The following PPP2R2C variants were observed in gnomAD, a reference collection of about 807,000 sequenced individuals.
The protein encoded by PPP2R2C is protein phosphatase 2 regulatory subunit Bgamma.
PPP2R2C carries 10 observed loss-of-function variants against 45.3 expected under a neutral mutation model. The ratio of observed to expected loss-of-function variants is 0.22; its 90% CI spans 0.14 to 0.37. The LOEUF (loss-of-function observed/expected upper bound fraction) is 0.37. Among genes scored for constraint, PPP2R2C ranks in the 10% least tolerant of loss-of-function variants. The pLI, the probability that PPP2R2C is intolerant of heterozygous loss-of-function variation, is 1.00. For synonymous variants in PPP2R2C, 257 were observed against 245.4 expected (o/e 1.05, Z -0.44); for missense variants, 308 against 619.7 (o/e 0.50, Z 5.34).
At chr4:6,442,991 G>A (rs1000515296) in intron 1 of PPP2R2C, among the ~76,000 whole-genome samples, 4 of 152,182 alleles carry the variant, frequency 2.6e-5, no homozygotes, top group Admixed American at 6.5e-5. Flanking sequence ...TGACTTTCCC[G>A]ACCTAAATGA....
rs781451247 is a variant in PPP2R2C at position 6,471,437 on chromosome 4, G to C, written c.70+723C>G. On this transcript the variant is annotated intron_variant, in intron 1 of 8. Coordinates refer to ENST00000382599, the MANE Select transcript of PPP2R2C (RefSeq NM_020416.4). The surrounding 1 kb of genome is among the most constrained non-coding windows in gnomAD (Gnocchi z 5.6). ...CCCACCAGCCTCGGGGGTAGGGTGG[G>C]GGTGGGGGTTGGGCTTGTAGGGCCA... The C allele has an allele frequency of 1.2e-4, 19 of 152,318 alleles. No homozygotes were observed. Among genetic ancestry groups the C allele is most frequent in the Admixed American group, 1.2e-3 (18 of 15,294 alleles). 9.4% of individuals were successfully genotyped at this position (152,318 alleles called of 1,614,324 possible).
chr4:6,519,229 G>C (rs1295564040), intron 2 of PPP2R2C, among the ~76,000 whole-genome samples: 2 of 152,166 alleles, frequency 1.3e-5, no homozygotes, highest in South Asian at 2.1e-4. Context: ...CAAGTTTCTA[G>C]GAGCCTTAGG....
In PPP2R2C at chr4:6,416,264, G is replaced by A. The variant is rs367755729; in HGVS notation, c.71-35170C>T. 2.1e-4 allele frequency among the ~76,000 whole-genome samples: 26 copies of A among 126,402 alleles called. No homozygotes were observed. In the South Asian group the frequency reaches 6.0e-3, roughly 29 times the overall value. The allele number at this position is 126,402 out of a possible 152,430, so 82.9% of individuals were successfully genotyped here. ...CTTAGGTGCACACAACCGCCCCCAC[G>A]ATGTGTGGTTTTCCCCATTTTACAA... On this transcript the variant is annotated intron_variant, in intron 1 of 8. Transcript: ENST00000382599.
intron 2 of PPP2R2C, 128 bp downstream of exon 2, chr4:6,380,869 A>C (rs1715727469): frequency 3.7e-6 from 5 of 1,361,828 alleles, no homozygotes; most frequent in African/African-American, 1.5e-5. Flanking sequence ...GTTGGAGTAT[A>C]GTCCCCTCCC....
intron 2 of PPP2R2C, among the ~76,000 whole-genome samples, chr4:6,520,452 G>A (rs78801211): frequency 6.6e-5 from 10 of 152,222 alleles, no homozygotes; most frequent in Non-Finnish European, 1.2e-4. Flanking sequence ...TCCCAGGCCA[G>A]CAGCAGCCCT....
intron 2 of PPP2R2C, among the ~76,000 whole-genome samples, chr4:6,496,866 T>TAAATAAATAAATAAAA (rs1163125610): frequency 6.8e-6 from 1 of 146,360 alleles, no homozygotes; most frequent in African/African-American, 2.6e-5. Flanking sequence ...CATCTCAAAA[T>TAAATAAATAAATAAAA]AAATAAATAA....
intron 1 of PPP2R2C, among the ~76,000 whole-genome samples, chr4:6,403,620 T>A (rs768607413): frequency 6.6e-6 from 1 of 151,964 alleles, no homozygotes; most frequent in African/African-American, 2.4e-5. Flanking sequence ...AAATACAACC[T>A]GGGAGGACGA....
intron 1 of PPP2R2C, among the ~76,000 whole-genome samples, chr4:6,434,072 A>G (rs1719762203): frequency 6.6e-6 from 1 of 152,216 alleles, no homozygotes; most frequent in Non-Finnish European, 1.5e-5. Flanking sequence ...GTCTACACAC[A>G]AGCAGTCATA....
At chr4:6,387,159 G>C (rs1033504074) in intron 1 of PPP2R2C, among the ~76,000 whole-genome samples, 16 of 151,900 alleles carry the variant, frequency 1.1e-4, no homozygotes, top group African/African-American at 3.6e-4. Context: ...GGAGGGGAGA[G>C]AGAAGATATA....
At chr4:6,520,186 C>T (rs1723969487) in intron 2 of PPP2R2C, among the ~76,000 whole-genome samples, 1 of 151,932 alleles carries the variant, frequency 6.6e-6, no homozygotes. Context: ...GTCCTAAGAA[C>T]CTCAAGAATG....
intron 6 of PPP2R2C, among the ~76,000 whole-genome samples, chr4:6,337,986 C>T (rs76542113): frequency 0.036 from 5,490 of 152,058 alleles, 313 homozygotes; most frequent in African/African-American, 0.12. Context: ...ATAGTGGAAT[C>T]TACTATTCCA....
chr4:6,463,530 C>A (rs1721435963), intron 1 of PPP2R2C, among the ~76,000 whole-genome samples: 1 of 152,184 alleles, frequency 6.6e-6, no homozygotes, highest in African/African-American at 2.4e-5. Flanking sequence ...GGACAATGGC[C>A]CCCACTGTGC....
At chr4:6,421,815 C>A (rs975445298) in intron 1 of PPP2R2C, among the ~76,000 whole-genome samples, 3 of 152,172 alleles carry the variant, frequency 2.0e-5, no homozygotes, top group African/African-American at 4.8e-5. Flanking sequence ...CTGTTGGTAA[C>A]AGAATGAAAT....
At chr4:6,372,501 G>T (rs546591219) in intron 5 of PPP2R2C, 22 bp downstream of exon 5, 2 of 1,540,488 alleles carry the variant, frequency 1.3e-6, no homozygotes, top group African/African-American at 2.8e-5. Flanking sequence ...GGAGGCACTG[G>T]CCAGGCCACA....
chr4:6,521,219 C>A (rs543523067), intron 2 of PPP2R2C, among the ~76,000 whole-genome samples: 8 of 152,342 alleles, frequency 5.3e-5, no homozygotes, highest in Admixed American at 3.9e-4. Context: ...GCACCCAGTT[C>A]CAGCCCTGTG....
chr4:6,495,964 C>A lies in PPP2R2C; in HGVS notation c.49+39307G>T, dbSNP rs189756744. ...TTCAGGGAGACTCTGTCCCAGGGCC[C>A]CCTCCCGGCTCTCCATGGCGGCACT... On this transcript the variant is annotated intron_variant, in intron 2 of 9. Coordinates refer to the PPP2R2C transcript ENST00000506140. Among the ~76,000 whole-genome samples, 717 of 152,278 alleles carry A rather than the reference C, an allele frequency of 4.7e-3. 2 individuals carry two copies. Among genetic ancestry groups the A allele is most frequent in the African/African-American group, 0.016 (673 of 41,562 alleles).
intron 1 of PPP2R2C, among the ~76,000 whole-genome samples, chr4:6,543,086 G>C (rs1724859093): frequency 6.6e-6 from 1 of 152,204 alleles, no homozygotes; most frequent in South Asian, 2.1e-4. Context: ...AGCAGGCGGG[G>C]TGCTGTCAGG....
At chr4:6,403,230 A>G (rs576537772) in intron 1 of PPP2R2C, among the ~76,000 whole-genome samples, 6 of 152,170 alleles carry the variant, frequency 3.9e-5, no homozygotes, top group Non-Finnish European at 7.4e-5. Context: ...GCCCACAGCA[A>G]TTCTCATCTG....
At chr4:6,428,331 A>G (rs1408178997) in intron 1 of PPP2R2C, among the ~76,000 whole-genome samples, 3 of 152,214 alleles carry the variant, frequency 2.0e-5, no homozygotes, top group African/African-American at 2.4e-5. Flanking sequence ...GCAACTCCAT[A>G]AGACCTGCTC....
Sources: allele counts gnomAD v4.1 joint callset (sites outside exome capture counted in the v4.1 genomes callset), GRCh38; gene constraint gnomAD v4.1.1; non-coding constraint Gnocchi (gnomAD v3.1); transcripts MANE v1.5; gene names NCBI Gene and HGNC (gene_info 2026-07-23, HGNC 2026-07-21).